The following COL22A1 variants were observed in gnomAD, a reference collection of about 807,000 sequenced individuals.
COL22A1 encodes collagen alpha-1(XXII) chain.
COL22A1 carries 221 observed loss-of-function variants against 248.9 expected under a neutral mutation model. That is an observed-to-expected ratio of 0.89 (90% CI 0.80 to 0.99). The LOEUF is 0.99. Ranked by LOEUF, COL22A1 falls within the 50% of genes least tolerant of loss-of-function variation. The pLI is 0.00. For missense variants in COL22A1, 2,240 were observed against 2,179.0 expected (o/e 1.03, Z -0.56); for synonymous variants, 891 against 793.4 (o/e 1.12, Z -2.07).
Position 138,818,248 on chromosome 8 carries a change from G to A in COL22A1, c.1245+2888C>T, listed in dbSNP as rs117840879. Among the ~76,000 whole-genome samples the A allele has an allele frequency of 7.3e-3, 1,117 of 152,274 alleles. 11 individuals are homozygous for A. Among genetic ancestry groups the A allele is most frequent in the Non-Finnish European group, 0.013 (878 of 68,020 alleles). ...AGGGACTGTTATTCAGGGGCTGACA[G>A]TAGAACCATGGAGCTCACAGAGCCA... On this transcript the variant is annotated intron_variant, in intron 7 of 64. Transcript: ENST00000303045.
intron 47 of COL22A1, 34 bp from the exon 48 acceptor site, chr8:138,636,829 C>A (rs756540751): frequency 6.4e-7 from 1 of 1,561,428 alleles, no homozygotes; most frequent in Non-Finnish European, 8.8e-7. Context: ...AAAGATGTCA[C>A]TGGAAATTTT....
intron 10 of COL22A1, among the ~76,000 whole-genome samples, chr8:138,805,998 G>GGTAATGGTGTGTGGTGGTGTA (rs1817591314): frequency 7.9e-5 from 5 of 63,412 alleles, no homozygotes; most frequent in Admixed American, 1.7e-4. Flanking sequence ...GTGATGGTGT[G>GGTAATGGTGTGTGGTGGTGTA]TGTGTGTGAC....
intron 23 of COL22A1, among the ~76,000 whole-genome samples, chr8:138,736,771 C>T (rs563892321): frequency 2.6e-5 from 4 of 152,206 alleles, no homozygotes; most frequent in Admixed American, 6.5e-5. Flanking sequence ...ATCCAGGGAG[C>T]GAGAACAGCA....
At position 138,670,224 on chromosome 8, in the gene COL22A1, C is replaced by T. The variant is rs538977968; in HGVS notation, c.3150+6334G>A. Among the ~76,000 whole-genome samples the T allele has an allele frequency of 9.2e-5, 14 of 152,268 alleles. No homozygotes were observed. In the South Asian group the frequency reaches 2.1e-3, roughly 23 times the overall value. ...ATATAAAAACCAACTCCTGGTTATA[C>T]GTGGCTCAGCTCCTGGTTATACATG... On this transcript the variant is annotated intron_variant, in intron 41 of 64. Coordinates refer to ENST00000303045, the MANE Select transcript of COL22A1 (RefSeq NM_152888.3).
chr8:138,890,965 G>T (rs111943732), intron 1 of COL22A1, among the ~76,000 whole-genome samples: 6,480 of 152,150 alleles, frequency 0.043, 174 homozygotes, highest in Non-Finnish European at 0.062. Context: ...GGAGGTTGCA[G>T]TGAGCTGAGA....
intron 4 of COL22A1, among the ~76,000 whole-genome samples, chr8:138,840,557 A>G (rs72731628): frequency 0.021 from 3,101 of 150,738 alleles, 45 homozygotes; most frequent in African/African-American, 0.048. Context: ...ACACACACAC[A>G]CGCGCTCCTG....
chr8:138,695,876 G>A (rs1827465015), intron 32 of COL22A1, among the ~76,000 whole-genome samples: 1 of 152,038 alleles, frequency 6.6e-6, no homozygotes, highest in African/African-American at 2.4e-5. Flanking sequence ...CACAGCTGAA[G>A]GGCCACTGTG....
At chr8:138,889,037 C>T (rs535845890) in intron 1 of COL22A1, among the ~76,000 whole-genome samples, 79 of 152,268 alleles carry the variant, frequency 5.2e-4, no homozygotes, top group African/African-American at 1.7e-3. Context: ...TTATTATCTA[C>T]CATATGCCAA....
chr8:138,707,104 G>A (rs747124297), intron 30 of COL22A1, among the ~76,000 whole-genome samples: 32 of 152,148 alleles, frequency 2.1e-4, no homozygotes, highest in Non-Finnish European at 5.9e-5. Context: ...CTGAATCCCT[G>A]AATAGAACAA....
At position 138,597,680 on chromosome 8, in the gene COL22A1, C is replaced by T. The variant is rs11986869; in HGVS notation, c.4366-710G>A. Among the ~76,000 whole-genome samples the T allele has an allele frequency of 3.8e-3, 579 of 152,322 alleles. 3 individuals are homozygous for T. Among genetic ancestry groups the T allele is most frequent in the African/African-American group, 0.013 (555 of 41,582 alleles). ...CTACCCCTCAAGGGCAGGGGTCTTA[C>T]GGTGCTCATCTCTGTAGCCCCATAC... On this transcript the variant is annotated intron_variant, in intron 61 of 64. Transcript: ENST00000303045.
At chr8:138,687,264 T>C (rs1412935828) in intron 37 of COL22A1, among the ~76,000 whole-genome samples, 1 of 152,126 alleles carries the variant, frequency 6.6e-6, no homozygotes, top group Non-Finnish European at 1.5e-5. Context: ...GCCCATAGGG[T>C]TATTATTAAG....
intron 25 of COL22A1, among the ~76,000 whole-genome samples, chr8:138,722,910 A>C (rs1586572198): frequency 8.9e-6 from 1 of 112,142 alleles, no homozygotes; most frequent in Non-Finnish European, 1.8e-5. Flanking sequence ...GGAGGTGTGC[A>C]GGGGGAGGGA....
At chr8:138,611,005 G>A (rs756318867) in intron 56 of COL22A1, among the ~76,000 whole-genome samples, 1 of 152,192 alleles carries the variant, frequency 6.6e-6, no homozygotes, top group Non-Finnish European at 1.5e-5. Flanking sequence ...GGTCGAGGCT[G>A]CAGTTAACCG....
chr8:138,676,797 A>C (rs1272162345), intron 40 of COL22A1, among the ~76,000 whole-genome samples, 162 bp from the exon 41 acceptor site: 2 of 151,998 alleles, frequency 1.3e-5, no homozygotes, highest in Non-Finnish European at 2.9e-5. Context: ...CCATCATCCC[A>C]CTCAGCCCAA....
chr8:138,664,112 G>A (rs925051997), intron 41 of COL22A1, among the ~76,000 whole-genome samples: 3 of 151,018 alleles, frequency 2.0e-5, no homozygotes, highest in East Asian at 4.0e-4. Context: ...GGGAAAGGAC[G>A]GGCATGATAA....
At chr8:138,851,697 C>T (rs1416482143) in intron 3 of COL22A1, among the ~76,000 whole-genome samples, 3 of 152,158 alleles carry the variant, frequency 2.0e-5, no homozygotes, top group Admixed American at 2.0e-4. Context: ...CAGCAGAGCC[C>T]TTGCAGCCTT....
At position 138,820,556 on chromosome 8, in the gene COL22A1, G is replaced by T. The variant is rs142326255; in HGVS notation, c.1245+580C>A. On this transcript the variant is annotated intron_variant, in intron 7 of 64. Coordinates refer to ENST00000303045, the MANE Select transcript of COL22A1 (RefSeq NM_152888.3). ...AAAGAACATTGATTCAGGATGTTCAGTTATTGCCAGTTGTTATCCCTAGTT... is the reference window on the plus strand; with the variant it reads ...AAAGAACATTGATTCAGGATGTTCATTTATTGCCAGTTGTTATCCCTAGTT... 1.4e-4 allele frequency among the ~76,000 whole-genome samples: 21 copies of T among 152,290 alleles called. No individual in the cohort carries two copies. In the East Asian group the frequency reaches 3.7e-3, roughly 27 times the overall value.
Position 138,881,088 on chromosome 8 carries a change from C to A in COL22A1, c.91+1994G>T, listed in dbSNP as rs183321795. 5.3e-5 allele frequency among the ~76,000 whole-genome samples: 8 copies of A among 152,270 alleles called. No individual in the cohort carries two copies. The South Asian group carries it at 8.3e-4, about 16-fold the overall frequency. On this transcript the variant is annotated intron_variant, in intron 2 of 64. Coordinates refer to ENST00000303045, the MANE Select transcript of COL22A1 (RefSeq NM_152888.3). ...CTATGCCACTCCTGGCAGGTGAGTGCTCTTTTGGGGCCCACCATTTTCTAC... is the reference window on the plus strand; with the variant it reads ...CTATGCCACTCCTGGCAGGTGAGTGATCTTTTGGGGCCCACCATTTTCTAC...
chr8:138,839,804 G>A (rs182437321), intron 4 of COL22A1, among the ~76,000 whole-genome samples: 14 of 152,362 alleles, frequency 9.2e-5, no homozygotes, highest in African/African-American at 3.4e-4. Context: ...TAAGCATTAA[G>A]TAGCTAAACT....
Sources: allele counts gnomAD v4.1 joint callset (sites outside exome capture counted in the v4.1 genomes callset), GRCh38; gene constraint gnomAD v4.1.1; transcripts MANE v1.5; gene names NCBI Gene and HGNC (gene_info 2026-07-23, HGNC 2026-07-21).